Variants in SSR2 observed in about 807,000 individuals in gnomAD.
The protein encoded by SSR2 is translocon-associated protein subunit beta.
SSR2 carries 16 observed loss-of-function variants against 22.6 expected under a neutral mutation model. That is an observed-to-expected ratio of 0.71 (90% confidence interval 0.48 to 1.08). SSR2 has a LOEUF of 1.08. Among genes scored for constraint, SSR2 ranks in the 50% least tolerant of loss-of-function variants. The pLI, the probability that SSR2 is intolerant of heterozygous loss-of-function variation, is 0.00. For missense variants in SSR2, 171 were observed against 221.6 expected (o/e 0.77, Z 1.45); for synonymous variants, 83 against 91.2 (o/e 0.91, Z 0.51).
At chr1:156,016,987 T>A (rs917505927) in intron 3 of SSR2, among the ~76,000 whole-genome samples, 10 of 152,218 alleles carry the variant, frequency 6.6e-5, no homozygotes, top group Non-Finnish European at 8.8e-5. Context: ...CCTCTTTTTT[T>A]AAAAATTACC....
chr1:156,019,583 C>T (rs1683114660), intron 2 of SSR2, among the ~76,000 whole-genome samples: 1 of 152,072 alleles, frequency 6.6e-6, no homozygotes, highest in South Asian at 2.1e-4. Context: ...CAGGGTTTTG[C>T]CATGTTGGCC....
chr1:156,018,204 C>G lies in SSR2; in HGVS notation c.254+66G>C, dbSNP rs758726804. The stretch of plus-strand genomic sequence containing the variant: ...CATATCCAGCCTATTTGAAGTACCC[C>G]TGCTGCTTTGCAGGCAAGGCTCTCC... On this transcript the variant is annotated intron_variant, in intron 3 of 5. Coordinates refer to ENST00000295702, the MANE Select transcript of SSR2 (RefSeq NM_003145.4). 6 of 1,248,252 alleles carry G rather than the reference C, an allele frequency of 4.8e-6. No individual in the cohort carries two copies. The South Asian group carries it at 7.2e-5, about 15-fold the overall frequency. The allele number at this position is 1,248,252 out of a possible 1,614,324, so 77.3% of individuals were successfully genotyped here.
In SSR2 at chr1:156,009,558, G is replaced by A. The variant is rs1682951523; in HGVS notation, c.534C>T (p.Pro178=). 6.2e-7 allele frequency: 1 copy of A among 1,613,174 alleles called. No individual in the cohort carries two copies. Among genetic ancestry groups the A allele is most frequent in the African/African-American group, 1.3e-5 (1 of 75,016 alleles). ...WYSSKRKYDT[P]KTKKN ...GCCCCAATCAGTTCTTCTTCGTTTT[G>A]GGAGTGTCATATTTCCTCTTGCTGG... is the stretch of plus-strand genomic sequence containing the variant. Residue 178 remains proline, a synonymous_variant, in exon 6 of 6, where the codon CCC becomes CCT. Coordinates refer to ENST00000295702, the MANE Select transcript of SSR2 (RefSeq NM_003145.4).
At position 156,014,981 on chromosome 1, in the gene SSR2, G is replaced by C; in HGVS notation, c.343C>G (p.Gln115Glu). 6.2e-7 allele frequency: 1 copy of C among 1,613,902 alleles called. No homozygotes were observed. The highest frequency in any genetic ancestry group is 1.1e-5 in the South Asian group (1 of 91,066). Reference sequence around the variant, plus strand: ...CTCACCACAACGGGCCCATCCTCCTGGGCCAGGTAAGTAATTGTTGCCGAG... The same window carrying C: ...CTCACCACAACGGGCCCATCCTCCTCGGCCAGGTAAGTAATTGTTGCCGAG... The part of the protein sequence containing the change: ...FTSATITYLA[Q>E]EDGPVVIGST... The change falls in exon 4 of 6, where the codon CAG becomes GAG. Residue 115 changes from glutamine (Q) to glutamate (E), a missense_variant. Gln to Glu is a conservative substitution (Grantham distance 29). Transcript: ENST00000295702.
intron 2 of SSR2, 57 bp from the exon 3 acceptor site, chr1:156,018,425 G>C: frequency 1.4e-6 from 2 of 1,469,898 alleles, no homozygotes; most frequent in South Asian, 2.3e-5. Flanking sequence ...AATTAAAGCA[G>C]GCCGGGCGCC....
chr1:156,015,432 G>A (rs566940747), intron 3 of SSR2, among the ~76,000 whole-genome samples: 137 of 141,248 alleles, frequency 9.7e-4, no homozygotes, highest in Non-Finnish European at 1.6e-3. Context: ...GCTTGAACCC[G>A]GGAGGCGGAG....
At chr1:156,019,966 A>C (rs778309648) in intron 2 of SSR2, 47 bp downstream of exon 2, 3 of 1,584,128 alleles carry the variant, frequency 1.9e-6, no homozygotes, top group Non-Finnish European at 2.6e-6. Flanking sequence ...CTGAAAACTA[A>C]GAATCCAGAA....
At chr1:156,017,626 GC>G (rs1424927472) in intron 3 of SSR2, among the ~76,000 whole-genome samples, 2 of 151,682 alleles carry the variant, frequency 1.3e-5, no homozygotes, top group Non-Finnish European at 1.5e-5. Context: ...GGGATTACAG[GC>G]ATGAGCCACT....
chr1:156,019,103 C>A, intron 2 of SSR2: 1 of 200,056 alleles, frequency 5.0e-6, no homozygotes. Context: ...CCAAAAAAAT[C>A]AGAATTGCAA....
At chr1:156,020,309 A>G (rs545091940) in intron 1 of SSR2, 142 bp from the exon 2 acceptor site, 2 of 791,564 alleles carry the variant, frequency 2.5e-6, no homozygotes, top group Non-Finnish European at 3.9e-6. Context: ...AAGCCACCAG[A>G]GCAGACCCGT....
Position 156,019,222 on chromosome 1 carries a change from T to C in SSR2, c.155+791A>G, listed in dbSNP as rs1009291844. The C allele has an allele frequency of 2.7e-5, 12 of 451,946 alleles. No individual in the cohort carries two copies. In the East Asian group the frequency reaches 7.0e-4, roughly 26 times the overall value. 28.0% of individuals were successfully genotyped at this position (451,946 alleles called of 1,614,324 possible). ...AAATAATCAAGTATCCAGGAGGCAA[T>C]AGGTCCAAGTTCATCCTTGCCTCAA... On this transcript the variant is annotated intron_variant, in intron 2 of 5. Transcript: ENST00000295702.
chr1:156,016,620 A>G (rs1342048766), intron 3 of SSR2, among the ~76,000 whole-genome samples: 2 of 152,178 alleles, frequency 1.3e-5, no homozygotes, highest in African/African-American at 4.8e-5. Flanking sequence ...AAACAAATAC[A>G]AAGACCACAT....
In SSR2 at chr1:156,009,337, C is replaced by A; in HGVS notation, c.*203G>T. ...AAAGGCATTCCTGTTTATGGCTTCA[C>A]GATGGAACCAAGGAGGCTCTCGCAG... On this transcript the variant is annotated 3_prime_UTR_variant, in exon 6 of 6. Coordinates refer to ENST00000295702, the MANE Select transcript of SSR2 (RefSeq NM_003145.4). 3.8e-6 allele frequency: 2 copies of A among 528,730 alleles called. No homozygotes were observed. The highest frequency in any genetic ancestry group is 5.2e-5 in the South Asian group (2 of 38,712). The allele number at this position is 528,730 out of a possible 1,614,324, so 32.8% of individuals were successfully genotyped here. A position where few individuals can be genotyped will look rare whatever the true frequency, so the allele number is the denominator to read the frequency against.
intron 3 of SSR2, among the ~76,000 whole-genome samples, chr1:156,016,131 G>A (rs536085045): frequency 2.6e-5 from 4 of 151,780 alleles, no homozygotes; most frequent in East Asian, 1.9e-4. Flanking sequence ...AGACAAGAGC[G>A]ACAAGAGCGA....
Position 156,018,272 on chromosome 1 carries a change from G to A in SSR2, c.252C>T (p.Ala84=). Residue 84 remains alanine (A), a splice_region_variant and synonymous_variant, in exon 3 of 6, where the codon GCC becomes GCT. Coordinates refer to ENST00000295702, the MANE Select transcript of SSR2 (RefSeq NM_003145.4). The stretch of plus-strand genomic sequence containing the variant: ...ATCACCAAGTGCCAAGAGGATACGG[G>A]GCAATCCGGTCCCATTTGACATTGA... ...GMLNVKWDRI[A]PASNVSHTVV... is the part of the protein sequence containing the mutation. 1 of 1,613,512 alleles carries A rather than the reference G, an allele frequency of 6.2e-7. No homozygotes were observed. Among genetic ancestry groups the A allele is most frequent in the Non-Finnish European group, 8.5e-7 (1 of 1,179,548 alleles).
chr1:156,009,584 A>C lies in SSR2; in HGVS notation c.508T>G (p.Ser170Ala). ...SIGIPLLLWYSSKRKYDTPKT... is the reference protein window; with the variant it reads ...SIGIPLLLWYASKRKYDTPKT... ...GGAGTGTCATATTTCCTCTTGCTGG[A>C]GTACCACAATAGCAGGGGGATGCCG... The change falls in exon 6 of 6, where the codon TCC (serine) becomes GCC (alanine). Residue 170 changes from serine to alanine, a missense_variant. Physicochemically the swap from Ser to Ala is moderately conservative, Grantham distance 99. Coordinates refer to ENST00000295702, the MANE Select transcript of SSR2 (RefSeq NM_003145.4). 6.2e-7 allele frequency: 1 copy of C among 1,613,430 alleles called. No homozygotes were observed.
At chr1:156,018,085 C>T (rs1683086682) in intron 3 of SSR2, 185 bp downstream of exon 3, 1 of 523,174 alleles carries the variant, frequency 1.9e-6, no homozygotes, top group Non-Finnish European at 3.5e-6. Flanking sequence ...TCAGTATCCT[C>T]CTTCTTCATG....
rs1388974043 is a variant in SSR2, at chr1:156,009,307, T to C, written c.*233A>G. On this transcript the variant is annotated 3_prime_UTR_variant, in exon 6 of 6. Coordinates refer to ENST00000295702, the MANE Select transcript of SSR2 (RefSeq NM_003145.4). The stretch of plus-strand genomic sequence containing the variant: ...AGAGGGCCCTCTAGGCTCAAGGCTA[T>C]TGCCAAAGGCATTCCTGTTTATGGC... 5.4e-5 allele frequency: 25 copies of C among 462,320 alleles called. No individual in the cohort carries two copies. The South Asian group carries it at 6.7e-4, about 12-fold the overall frequency. The allele number at this position is 462,320 out of a possible 1,614,324, so 28.6% of individuals were successfully genotyped here.
chr1:156,019,126 A>T, intron 2 of SSR2: 1 of 266,488 alleles, frequency 3.8e-6, no homozygotes, highest in Non-Finnish European at 8.0e-6. Flanking sequence ...GATATGAGTA[A>T]TATAGCAACT....
Sources: gnomAD v4.1 joint callset for allele counts (sites outside exome capture counted in the v4.1 genomes callset) on GRCh38, gnomAD v4.1.1 for gene constraint, MANE v1.5 for transcripts, NCBI Gene and HGNC (gene_info 2026-07-23, HGNC 2026-07-21) for gene names.